The following HS3ST3B1 variants were observed in gnomAD, a reference collection of about 807,000 sequenced individuals.
HS3ST3B1 encodes heparan sulfate glucosamine 3-O-sulfotransferase 3B1.
HS3ST3B1 carries 13 observed loss-of-function variants against 21.3 expected under a neutral mutation model. That is an observed-to-expected ratio of 0.61 (90% confidence interval 0.40 to 0.97). The LOEUF is 0.97. Among genes scored for constraint, HS3ST3B1 ranks in the 50% least tolerant of loss-of-function variants. The pLI, the probability that HS3ST3B1 is intolerant of heterozygous loss-of-function variation, is 0.00. For missense variants in HS3ST3B1, 459 were observed against 554.8 expected (o/e 0.83, Z 1.73); for synonymous variants, 234 against 254.8 (o/e 0.92, Z 0.78).
rs1910596199 is a variant in HS3ST3B1 at position 14,346,818 on chromosome 17, C to T, written c.*1172C>T. Reference sequence around the variant, plus strand: ...TTCTGCTTTGACACACCAAAGAATCCCGTAGGCTAGCAGAGCCACCAGCAC... The same window carrying T: ...TTCTGCTTTGACACACCAAAGAATCTCGTAGGCTAGCAGAGCCACCAGCAC... On this transcript the variant is annotated 3_prime_UTR_variant, in exon 2 of 2. Transcript: ENST00000360954. The T allele has an allele frequency of 6.6e-6, 1 of 152,186 alleles. No individual in the cohort carries two copies. Among genetic ancestry groups the T allele is most frequent in the Non-Finnish European group, 1.5e-5 (1 of 68,072 alleles). The allele number at this position is 152,186 out of a possible 1,614,324, so 9.4% of individuals were successfully genotyped here. A position where few individuals can be genotyped will look rare whatever the true frequency, so the allele number is the denominator to read the frequency against.
chr17:14,344,471 C>T (rs79974538), intron 1 of HS3ST3B1, among the ~76,000 whole-genome samples: 4,279 of 152,190 alleles, frequency 0.028, 126 homozygotes, highest in African/African-American at 0.069. Flanking sequence ...CTGCTGTGTG[C>T]TTTGTTGCTT....
rs144191311 is a variant in HS3ST3B1, at chr17:14,329,367, A to AAAGGAAGGAAGGAAGG, written c.555-15651_555-15636dup. On this transcript the variant is annotated intron_variant, in intron 1 of 1. Coordinates refer to ENST00000360954, the MANE Select transcript of HS3ST3B1 (RefSeq NM_006041.3). The stretch of plus-strand genomic sequence containing the variant: ...AAAGAAAGAAAGAAAGAAAGAAAGA[A>AAAGGAAGGAAGGAAGG]AAGGAAGGAAGGAAGGAAGGAAGGA... 102 of 106,210 alleles carry AAAGGAAGGAAGGAAGG rather than the reference A, an allele frequency of 9.6e-4. 2 individuals are homozygous for AAAGGAAGGAAGGAAGG. Among genetic ancestry groups the AAAGGAAGGAAGGAAGG allele is most frequent in the Middle Eastern group, 4.7e-3 (1 of 214 alleles). The allele number at this position is 106,210 out of a possible 1,614,324, so 6.6% of individuals were successfully genotyped here.
At chr17:14,334,640 T>C (rs1234419187) in intron 1 of HS3ST3B1, among the ~76,000 whole-genome samples, 2 of 152,150 alleles carry the variant, frequency 1.3e-5, no homozygotes, top group East Asian at 3.8e-4. Flanking sequence ...CACCCAAAGT[T>C]CATAGTTTAC....
chr17:14,325,901 TC>T (rs1221559302), intron 1 of HS3ST3B1, among the ~76,000 whole-genome samples: 1 of 152,236 alleles, frequency 6.6e-6, no homozygotes, highest in East Asian at 1.9e-4. Context: ...ATTTGTTTAC[TC>T]TTCCTTTATC....
intron 1 of HS3ST3B1, among the ~76,000 whole-genome samples, chr17:14,311,453 C>T (rs568518004): frequency 6.6e-6 from 1 of 152,282 alleles, no homozygotes; most frequent in Non-Finnish European, 1.5e-5. Context: ...AAATACCCAT[C>T]AGTCCTACAC....
intron 1 of HS3ST3B1, among the ~76,000 whole-genome samples, chr17:14,308,704 C>G (rs192292422): frequency 9.2e-4 from 140 of 152,276 alleles, no homozygotes; most frequent in African/African-American, 3.1e-3. Context: ...AAATAAGACT[C>G]TGGTTTAACA....
intron 1 of HS3ST3B1, 126 bp downstream of exon 1, chr17:14,302,198 C>A: frequency 2.6e-6 from 3 of 1,163,842 alleles, no homozygotes; most frequent in Non-Finnish European, 3.5e-6. Flanking sequence ...GGCAGGGAAA[C>A]TACGGCAGAT....
At chr17:14,313,111 T>TATATATATACAC (rs1555548205) in intron 1 of HS3ST3B1, among the ~76,000 whole-genome samples, 1 of 115,402 alleles carries the variant, frequency 8.7e-6, no homozygotes, top group African/African-American at 3.5e-5. Context: ...TGTGTGTGTA[T>TATATATATACAC]ATATATATAT....
chr17:14,344,522 C>T lies in HS3ST3B1; in HGVS notation c.555-506C>T, dbSNP rs546011854. On this transcript the variant is annotated intron_variant, in intron 1 of 1. Coordinates refer to ENST00000360954, the MANE Select transcript of HS3ST3B1 (RefSeq NM_006041.3). ...TTGTCAGCAGTCACTGTGTTAAAGC[C>T]GGAACAACTGGGCGGGACCCGAGGG... Among the ~76,000 whole-genome samples the T allele has an allele frequency of 2.4e-4, 36 of 152,214 alleles. 2 individuals are homozygous for T. In the South Asian group the frequency reaches 7.3e-3, roughly 31 times the overall value.
At chr17:14,338,329 T>C (rs1425413648) in intron 1 of HS3ST3B1, among the ~76,000 whole-genome samples, 1 of 151,666 alleles carries the variant, frequency 6.6e-6, no homozygotes, top group African/African-American at 2.4e-5. Flanking sequence ...TTTCATCATG[T>C]TAGCCAGGAC....
intron 1 of HS3ST3B1, among the ~76,000 whole-genome samples, chr17:14,339,307 G>A (rs557908680): frequency 3.9e-5 from 6 of 152,122 alleles, no homozygotes; most frequent in Non-Finnish European, 7.4e-5. Context: ...GAAATTGGAC[G>A]CCTATTTGAA....
intron 1 of HS3ST3B1, among the ~76,000 whole-genome samples, chr17:14,308,460 TG>T (rs751218081): frequency 8.5e-5 from 13 of 152,184 alleles, no homozygotes; most frequent in Admixed American, 2.0e-4. Flanking sequence ...ATTCAGAAAA[TG>T]TACTTCATTG....
intron 1 of HS3ST3B1, among the ~76,000 whole-genome samples, chr17:14,318,891 T>A (rs974094757): frequency 2.6e-5 from 4 of 152,240 alleles, no homozygotes; most frequent in African/African-American, 9.6e-5. Flanking sequence ...GCAGCAGATG[T>A]ACTGGCTTCC....
intron 1 of HS3ST3B1, among the ~76,000 whole-genome samples, chr17:14,325,360 A>G (rs554442860): frequency 6.6e-6 from 1 of 152,380 alleles, no homozygotes; most frequent in Admixed American, 6.5e-5. Context: ...AAATGTTACC[A>G]TTGGTTCAAA....
In HS3ST3B1 at chr17:14,348,675, C is replaced by T. The variant is rs543140358; in HGVS notation, c.*3029C>T. ...TGTTTTGGACTTCCTCCGATTTACA[C>T]GAAAAGCTCTGATATTCATTGGAGT... On this transcript the variant is annotated 3_prime_UTR_variant, in exon 2 of 2. Coordinates refer to ENST00000360954, the MANE Select transcript of HS3ST3B1 (RefSeq NM_006041.3). 42 of 152,270 alleles carry T rather than the reference C, an allele frequency of 2.8e-4. No homozygotes were observed. Among genetic ancestry groups the T allele is most frequent in the African/African-American group, 9.1e-4 (38 of 41,564 alleles). The allele number at this position is 152,270 out of a possible 1,614,324, so 9.4% of individuals were successfully genotyped here.
chr17:14,312,149 A>G (rs921450213), intron 1 of HS3ST3B1, among the ~76,000 whole-genome samples: 70 of 152,280 alleles, frequency 4.6e-4, no homozygotes, highest in Admixed American at 2.7e-3. Context: ...TGCTGTGTGC[A>G]GGCGAGTGGG....
At chr17:14,304,533 T>A (rs1408482362) in intron 1 of HS3ST3B1, 1 of 152,246 alleles carries the variant, frequency 6.6e-6, no homozygotes, top group Non-Finnish European at 1.5e-5. Flanking sequence ...CCTTTTTAAC[T>A]TTAAACAGAC....
At chr17:14,324,081 T>C (rs73979317) in intron 1 of HS3ST3B1, among the ~76,000 whole-genome samples, 6,848 of 146,096 alleles carry the variant, frequency 0.047, 224 homozygotes, top group East Asian at 0.16. Flanking sequence ...CTGCCCAGAA[T>C]GAGCCTTTCT....
chr17:14,313,146 T>TATACATA, intron 1 of HS3ST3B1, among the ~76,000 whole-genome samples: 1 of 93,038 alleles, frequency 1.1e-5, no homozygotes, highest in East Asian at 6.9e-4. Flanking sequence ...ATATATATAT[T>TATACATA]TTTAGTAGAG....
Sources: gnomAD v4.1 joint callset for allele counts (sites outside exome capture counted in the v4.1 genomes callset) on GRCh38, gnomAD v4.1.1 for gene constraint, MANE v1.5 for transcripts, NCBI Gene and HGNC (gene_info 2026-07-23, HGNC 2026-07-21) for gene names.